The following ZNF385D variants were observed in gnomAD, a reference collection of about 807,000 sequenced individuals.
ZNF385D encodes the protein zinc finger protein 659.
A neutral mutation model predicts 35.8 loss-of-function variants in ZNF385D; 15 were observed. The ratio of observed to expected loss-of-function variants is 0.42; its 90% CI spans 0.28 to 0.64. The LOEUF is 0.64. Among genes scored for constraint, ZNF385D ranks in the 30% least tolerant of loss-of-function variants. The probability of loss-of-function intolerance (pLI) is 0.23; values close to 1 mark genes in which losing one functional copy is unlikely to be tolerated. For synonymous variants in ZNF385D, 212 were observed against 186.8 expected (o/e 1.13, Z -1.10); for missense variants, 474 against 494.6 (o/e 0.96, Z 0.39).
At chr3:21,471,036 T>C (rs1240711662) in intron 4 of ZNF385D, among the ~76,000 whole-genome samples, 2 of 152,188 alleles carry the variant, frequency 1.3e-5, no homozygotes, top group African/African-American at 4.8e-5. Flanking sequence ...ATAAAATCAT[T>C]GAATTTTAGA....
At chr3:21,853,799 T>C (rs1201980622) in intron 3 of ZNF385D, among the ~76,000 whole-genome samples, 1 of 151,786 alleles carries the variant, frequency 6.6e-6, no homozygotes, top group Admixed American at 6.6e-5. Context: ...ACTGAAAATA[T>C]GACTGTGATG....
At chr3:21,880,969 T>G (rs1289335169) in intron 3 of ZNF385D, among the ~76,000 whole-genome samples, 2 of 152,006 alleles carry the variant, frequency 1.3e-5, no homozygotes, top group Non-Finnish European at 2.9e-5. Flanking sequence ...TCTGTTCAAT[T>G]CTGTGAAGGC....
At chr3:22,091,316 C>T (rs567628371) in intron 3 of ZNF385D, among the ~76,000 whole-genome samples, 3 of 152,110 alleles carry the variant, frequency 2.0e-5, no homozygotes, top group Non-Finnish European at 4.4e-5. Flanking sequence ...AGTGAAGAAA[C>T]TTGAGCAGCT....
intron 3 of ZNF385D, among the ~76,000 whole-genome samples, chr3:22,139,375 A>G (rs1312906766): frequency 6.6e-6 from 1 of 152,188 alleles, no homozygotes; most frequent in Non-Finnish European, 1.5e-5. Flanking sequence ...CAAATGTCCA[A>G]CAATGATAGA....
chr3:22,222,107 G>C (rs1173236002), intron 2 of ZNF385D, among the ~76,000 whole-genome samples: 3 of 152,044 alleles, frequency 2.0e-5, no homozygotes, highest in Non-Finnish European at 2.9e-5. Flanking sequence ...CTCCCGAGTA[G>C]CTGGGATTAC....
chr3:21,922,948 T>C lies in ZNF385D; in HGVS notation c.325+245869A>G, dbSNP rs933212597. On this transcript the variant is annotated intron_variant, in intron 3 of 5. Transcript: ENST00000494108. ...ATAGCTGAACAAACAAAAAACAAAT[T>C]GCCCTGTTTGAAAAATGGGCAAAAG... 2.2e-4 allele frequency among the ~76,000 whole-genome samples: 33 copies of C among 152,100 alleles called. 1 individual carries two copies. Among genetic ancestry groups the C allele is most frequent in the Non-Finnish European group, 1.9e-4 (13 of 68,012 alleles).
chr3:21,955,384 GGGA>G (rs1702237731), intron 3 of ZNF385D, among the ~76,000 whole-genome samples: 1 of 152,048 alleles, frequency 6.6e-6, no homozygotes, highest in Non-Finnish European at 1.5e-5. Context: ...CCCAAAAATA[GGGA>G]GGAAGAAGAT....
intron 3 of ZNF385D, among the ~76,000 whole-genome samples, chr3:22,069,848 G>A (rs1005318803): frequency 2.0e-5 from 3 of 152,118 alleles, no homozygotes; most frequent in African/African-American, 7.2e-5. Flanking sequence ...AAACCCCACT[G>A]TAGGCAGGTA....
chr3:21,424,960 C>A (rs575476026), intron 6 of ZNF385D, among the ~76,000 whole-genome samples: 31 of 152,142 alleles, frequency 2.0e-4, no homozygotes, highest in Non-Finnish European at 2.8e-4. Flanking sequence ...CTTTGGAAGA[C>A]TATTCATAGT....
rs980812494 is a variant in ZNF385D, at chr3:21,496,273, ATATT to A, written c.439+14584_439+14587del. Among the ~76,000 whole-genome samples the A allele has an allele frequency of 4.1e-5, 6 of 146,888 alleles. No homozygotes were observed. The South Asian group carries it at 1.0e-3, about 26-fold the overall frequency. Reference sequence around the variant, plus strand: ...ATAAATATATATATAATTTATATATATATTTATTTACATATATTTATGTATTATA... The same window carrying A: ...ATAAATATATATATAATTTATATATATATTTACATATATTTATGTATTATA... On this transcript the variant is annotated intron_variant, in intron 4 of 7. Coordinates refer to ENST00000281523, the MANE Select transcript of ZNF385D (RefSeq NM_024697.3).
intron 3 of ZNF385D, among the ~76,000 whole-genome samples, chr3:22,058,090 A>AG (rs1273089495): frequency 6.6e-6 from 1 of 152,226 alleles, no homozygotes; most frequent in Non-Finnish European, 1.5e-5. Context: ...GTGCTACACA[A>AG]GCTGACAGAC....
intron 1 of ZNF385D, among the ~76,000 whole-genome samples, chr3:21,706,829 TAGATAGATAGA>T (rs2067919706): frequency 1.8e-5 from 2 of 108,528 alleles, no homozygotes; most frequent in African/African-American, 6.5e-5. Flanking sequence ...GATAGATAGA[TAGATAGATAGA>T]TAGATAGATA....
chr3:22,170,581 C>A (rs1321057976), intron 2 of ZNF385D, among the ~76,000 whole-genome samples: 1 of 152,154 alleles, frequency 6.6e-6, no homozygotes, highest in African/African-American at 2.4e-5. Flanking sequence ...CTCTATCTCT[C>A]TTACTCAGAT....
At chr3:21,994,523 T>TA (rs1695344553) in intron 3 of ZNF385D, among the ~76,000 whole-genome samples, 1 of 152,160 alleles carries the variant, frequency 6.6e-6, no homozygotes, top group African/African-American at 2.4e-5. Context: ...TATTTTTTTT[T>TA]AGGCATTTCA....
At chr3:22,136,890 A>G (rs2125696071) in intron 3 of ZNF385D, among the ~76,000 whole-genome samples, 1 of 152,292 alleles carries the variant, frequency 6.6e-6, no homozygotes, top group Non-Finnish European at 1.5e-5. Flanking sequence ...AGGCAAAACT[A>G]TGAAATCGGT....
chr3:22,038,439 T>G (rs1272478717), intron 3 of ZNF385D, among the ~76,000 whole-genome samples: 2 of 152,122 alleles, frequency 1.3e-5, no homozygotes, highest in African/African-American at 4.8e-5. Flanking sequence ...TTCACAGAGT[T>G]GGGGAAAGCA....
intron 2 of ZNF385D, among the ~76,000 whole-genome samples, chr3:22,344,374 G>C (rs150929096): frequency 1.3e-5 from 2 of 151,916 alleles, no homozygotes; most frequent in Non-Finnish European, 2.9e-5. Context: ...GCTTTAAATA[G>C]GTATTTTATT....
At chr3:21,887,493 C>A (rs951184883) in intron 3 of ZNF385D, among the ~76,000 whole-genome samples, 4 of 152,102 alleles carry the variant, frequency 2.6e-5, no homozygotes, top group Non-Finnish European at 4.4e-5. Context: ...ACAAAAATAA[C>A]ACTTTGTTTT....
At chr3:21,703,257 G>A (rs1415478459) in intron 1 of ZNF385D, among the ~76,000 whole-genome samples, 1 of 152,160 alleles carries the variant, frequency 6.6e-6, no homozygotes, top group East Asian at 1.9e-4. Context: ...AAGCAAAAGT[G>A]GAAACCCCTG....
Sources: allele counts gnomAD v4.1 joint callset (sites outside exome capture counted in the v4.1 genomes callset), GRCh38; gene constraint gnomAD v4.1.1; transcripts MANE v1.5; gene names NCBI Gene and HGNC (gene_info 2026-07-23, HGNC 2026-07-21).